The following FAM13C variants were observed in gnomAD, a reference collection of about 807,000 sequenced individuals.
FAM13C encodes the protein family with sequence similarity 13 member C, also known as protein FAM13C.
Under a neutral mutation model 73.2 loss-of-function variants are expected in FAM13C, and 37 were observed. The observed-to-expected ratio is 0.51, with a 90% CI of 0.39 to 0.67. The LOEUF is 0.67. Ranked by LOEUF, FAM13C falls within the 30% of genes least tolerant of loss-of-function variation. The pLI is 0.00. For synonymous variants in FAM13C, 246 were observed against 260.9 expected, an observed-to-expected ratio of 0.94 and a Z score of 0.55; for missense variants, 589 against 715.6, an observed-to-expected ratio of 0.82 and a Z score of 2.02.
chr10:59,262,769 C>T, intron 9 of FAM13C, 124 bp from the exon 10 acceptor site: 1 of 783,884 alleles, frequency 1.3e-6, no homozygotes, highest in Non-Finnish European at 2.0e-6. Context: ...TGATGGCTTT[C>T]CACAGGGCAA....
intron 5 of FAM13C, among the ~76,000 whole-genome samples, chr10:59,295,557 C>T (rs1207389640): frequency 1.3e-5 from 2 of 152,106 alleles, no homozygotes; most frequent in Non-Finnish European, 2.9e-5. Context: ...CCAGAACCTC[C>T]AGATAAGAAA....
intron 5 of FAM13C, among the ~76,000 whole-genome samples, chr10:59,294,964 T>C (rs1213252241): frequency 6.6e-6 from 1 of 152,172 alleles, no homozygotes; most frequent in Non-Finnish European, 1.5e-5. Context: ...TAATTACTTA[T>C]CTTCTGAGAA....
At chr10:59,347,684 C>A (rs1308259505) in intron 3 of FAM13C, among the ~76,000 whole-genome samples, 1 of 152,006 alleles carries the variant, frequency 6.6e-6, no homozygotes, top group Non-Finnish European at 1.5e-5. Context: ...CCTAGCCCCC[C>A]ACCCCGCAAC....
intron 5 of FAM13C, among the ~76,000 whole-genome samples, chr10:59,298,277 A>G (rs17831190): frequency 0.11 from 16,995 of 152,270 alleles, 1,030 homozygotes; most frequent in South Asian, 0.18. Context: ...TTCTCCTTCA[A>G]GGTCAATTGG....
intron 4 of FAM13C, among the ~76,000 whole-genome samples, chr10:59,321,556 G>A (rs1260003898): frequency 6.7e-6 from 1 of 148,276 alleles, no homozygotes; most frequent in African/African-American, 2.5e-5. Flanking sequence ...TATTACAGTA[G>A]CAATAATAGA....
At chr10:59,346,200 G>A (rs1158474200) in intron 3 of FAM13C, among the ~76,000 whole-genome samples, 1 of 76,992 alleles carries the variant, frequency 1.3e-5, no homozygotes, top group East Asian at 6.1e-4. Flanking sequence ...TCTTTTGTAG[G>A]GGAGGGTAGA....
intron 10 of FAM13C, among the ~76,000 whole-genome samples, chr10:59,260,370 C>T (rs951887157): frequency 2.0e-5 from 3 of 152,152 alleles, no homozygotes; most frequent in Admixed American, 6.5e-5. Flanking sequence ...TCTAATCTGT[C>T]TTTCTGACTT....
rs151004114 is a variant in FAM13C at position 59,277,895 on chromosome 10, C to A, written c.592+5468G>T. On this transcript the variant is annotated intron_variant, in intron 6 of 13. Coordinates refer to ENST00000618804, the MANE Select transcript of FAM13C (RefSeq NM_198215.4). ...CTTCCCCACTTTCCACCCAGCCACC[C>A]TCTACTCAGCAGCTTTGGGCCCTTC... Among the ~76,000 whole-genome samples, 736 of 152,308 alleles carry A rather than the reference C, an allele frequency of 4.8e-3. 5 individuals are homozygous for A. Among genetic ancestry groups the A allele is most frequent in the African/African-American group, 0.017 (709 of 41,582 alleles).
intron 3 of FAM13C, among the ~76,000 whole-genome samples, chr10:59,329,327 T>A (rs1851615394): frequency 6.7e-6 from 1 of 150,024 alleles, no homozygotes; most frequent in African/African-American, 2.4e-5. Flanking sequence ...TTTTTTCTTT[T>A]TTTCTTTCTT....
chr10:59,311,258 C>T (rs1219603500), intron 4 of FAM13C, among the ~76,000 whole-genome samples: 1 of 152,136 alleles, frequency 6.6e-6, no homozygotes, highest in African/African-American at 2.4e-5. Context: ...TCAGAATTGG[C>T]AGAGTGGAGG....
At chr10:59,344,444 G>A (rs287152) in intron 3 of FAM13C, among the ~76,000 whole-genome samples, 4 of 70,658 alleles carry the variant, frequency 5.7e-5, no homozygotes, top group South Asian at 5.0e-4. Flanking sequence ...ACGCACGGCT[G>A]ATTTTTTTTT....
intron 3 of FAM13C, among the ~76,000 whole-genome samples, chr10:59,340,330 T>C (rs951968071): frequency 3.3e-5 from 5 of 152,216 alleles, no homozygotes; most frequent in African/African-American, 1.2e-4. Context: ...GCCAGTTCCC[T>C]GCTTCTCCCT....
At chr10:59,283,013 C>T (rs536101086) in intron 6 of FAM13C, among the ~76,000 whole-genome samples, 1 of 152,256 alleles carries the variant, frequency 6.6e-6, no homozygotes, top group East Asian at 1.9e-4. Flanking sequence ...CAAGACAGCA[C>T]AGGTTATCTA....
At chr10:59,286,087 A>G (rs1845522414) in intron 5 of FAM13C, among the ~76,000 whole-genome samples, 1 of 152,230 alleles carries the variant, frequency 6.6e-6, no homozygotes, top group Admixed American at 6.5e-5. Context: ...TCAGCATTCA[A>G]AAGGAAGGAA....
intron 9 of FAM13C, 133 bp downstream of exon 9, chr10:59,263,952 G>T: frequency 1.2e-6 from 1 of 800,020 alleles, no homozygotes. Flanking sequence ...ATTTCAAAAG[G>T]GAGTTACAGT....
At chr10:59,261,156 A>G (rs1380077999) in intron 10 of FAM13C, among the ~76,000 whole-genome samples, 1 of 152,198 alleles carries the variant, frequency 6.6e-6, no homozygotes. Flanking sequence ...GAGTTTCTGT[A>G]TATATATGCA....
Position 59,268,566 on chromosome 10 carries a change from T to C in FAM13C, c.929A>G (p.Glu310Gly), listed in dbSNP as rs765715977. ...IRKFEEKFEQ[E>G]KKYRPSHGDK... ...CAGGGTTCTTACCCGGTATTTCTTTTCTTGTTCAAATTTTTCTTCAAATTT... is the reference window on the plus strand; with the variant it reads ...CAGGGTTCTTACCCGGTATTTCTTTCCTTGTTCAAATTTTTCTTCAAATTT... Residue 310 changes from glutamate (E) to glycine (G), a missense_variant, in exon 8 of 14, where the codon GAA (glutamate) becomes GGA (glycine). By Grantham distance (98) the Glu-to-Gly change is moderately conservative (BLOSUM62 -2). Coordinates refer to ENST00000618804, the MANE Select transcript of FAM13C (RefSeq NM_198215.4). The C allele has an allele frequency of 1.9e-6, 3 of 1,613,850 alleles. No homozygotes were observed. Among genetic ancestry groups the C allele is most frequent in the South Asian group, 1.1e-5 (1 of 91,078 alleles).
At chr10:59,323,006 C>T (rs1223622360) in intron 4 of FAM13C, among the ~76,000 whole-genome samples, 1 of 152,186 alleles carries the variant, frequency 6.6e-6, no homozygotes. Context: ...TCCCCTCCAA[C>T]CTTTTGAGGT....
chr10:59,321,559 A>G (rs1850305847), intron 4 of FAM13C, among the ~76,000 whole-genome samples: 1 of 151,574 alleles, frequency 6.6e-6, no homozygotes, highest in African/African-American at 2.4e-5. Context: ...TACAGTAGCA[A>G]TAATAGAGTA....
Sources: gnomAD v4.1 joint callset for allele counts (sites outside exome capture counted in the v4.1 genomes callset) on GRCh38, gnomAD v4.1.1 for gene constraint, MANE v1.5 for transcripts, NCBI Gene and HGNC (gene_info 2026-07-23, HGNC 2026-07-21) for gene names.